The following FNDC1 variants were observed in gnomAD, a reference collection of about 807,000 sequenced individuals.
FNDC1 encodes fibronectin type III domain-containing protein 1.
Under a neutral mutation model 168.0 loss-of-function variants are expected in FNDC1, and 96 were observed. That is an observed-to-expected ratio of 0.57 (90% CI 0.48 to 0.68). The LOEUF (loss-of-function observed/expected upper bound fraction) is 0.68. Among genes scored for constraint, FNDC1 ranks in the 30% least tolerant of loss-of-function variants. The pLI, the probability that FNDC1 is intolerant of heterozygous loss-of-function variation, is 0.00. For missense variants in FNDC1, 2,587 were observed against 2,482.1 expected, an observed-to-expected ratio of 1.04 and a Z score of -0.90; for synonymous variants, 1,099 against 1,025.9, an observed-to-expected ratio of 1.07 and a Z score of -1.36.
chr6:159,232,106 G>A lies in FNDC1; in HGVS notation c.1594G>A (p.Glu532Lys), dbSNP rs746337128. 1.2e-6 allele frequency: 2 copies of A among 1,613,924 alleles called. No individual in the cohort carries two copies. The highest frequency in any genetic ancestry group is 2.2e-5 in the East Asian group (1 of 44,878). The change falls in exon 11 of 23, where the codon GAG becomes AAG. Residue 532 changes from glutamate to lysine, a missense_variant. Physicochemically the swap from Glu to Lys is moderately conservative, Grantham distance 56 (BLOSUM62 1). Transcript: ENST00000297267. The surrounding 1 kb of genome is among the most constrained non-coding windows in gnomAD (Gnocchi z 4.9). ...KPQLRAKKAE[E>K]LDLQSTEITG... Reference sequence around the variant, plus strand: ...CCAGCTTCGCGCCAAGAAGGCAGAGGAGCTGGATCTTCAGTCGACAGAAAT... The same window carrying A: ...CCAGCTTCGCGCCAAGAAGGCAGAGAAGCTGGATCTTCAGTCGACAGAAAT...
In FNDC1 at chr6:159,249,156, A is replaced by T. The variant is rs1158630285; in HGVS notation, c.4808A>T (p.Asp1603Val). Residue 1603 changes from aspartate to valine, a missense_variant, in exon 16 of 23, where the codon GAT becomes GTT. Asp to Val is a radical substitution (Grantham distance 152, BLOSUM62 -3). Transcript: ENST00000297267. The stretch of plus-strand genomic sequence containing the variant: ...AGTTCCTTTCCTGAAGAAGAATTTG[A>T]TCTGGCTGGAAGGAAACGATTTGTT... ...AISSFPEEEF[D>V]LAGRKRFVAP... 6.2e-7 allele frequency: 1 copy of T among 1,611,590 alleles called. No individual in the cohort carries two copies. The highest frequency in any genetic ancestry group is 2.2e-5 in the East Asian group (1 of 44,874).
chr6:159,267,208 C>A (rs933741616), intron 21 of FNDC1, among the ~76,000 whole-genome samples: 1 of 151,804 alleles, frequency 6.6e-6, no homozygotes, highest in Non-Finnish European at 1.5e-5. Flanking sequence ...CCAACAAGTA[C>A]GGTCTGTCTC....
At chr6:159,221,534 C>T in intron 5 of FNDC1, 64 bp from the exon 6 acceptor site, 1 of 1,314,158 alleles carries the variant, frequency 7.6e-7, no homozygotes, top group Non-Finnish European at 1.1e-6. Context: ...CGCTCCAGCC[C>T]CAGGGGATGT....
Position 159,232,421 on chromosome 6 carries a change from G to A in FNDC1, c.1909G>A (p.Ala637Thr). The A allele has an allele frequency of 6.2e-7, 1 of 1,611,932 alleles. No individual in the cohort carries two copies. The highest frequency in any genetic ancestry group is 8.5e-7 in the Non-Finnish European group (1 of 1,178,522). Residue 637 changes from alanine (A) to threonine (T), a missense_variant, in exon 11 of 23, where the codon GCC (alanine) becomes ACC (threonine). Physicochemically the swap from Ala to Thr is moderately conservative, Grantham distance 58 (BLOSUM62 0). Transcript: ENST00000297267. The surrounding 1 kb of genome is among the most constrained non-coding windows in gnomAD (Gnocchi z 4.9). ...CACCTCTCATCGTCCTTCCCTGCCTGCCAGCTTGAATGACAACGACTTGGT... is the reference window on the plus strand; with the variant it reads ...CACCTCTCATCGTCCTTCCCTGCCTACCAGCTTGAATGACAACGACTTGGT... ...QGTSHRPSLP[A>T]SLNDNDLVDS...
At chr6:159,182,287 C>G in intron 1 of FNDC1, among the ~76,000 whole-genome samples, 1 of 152,168 alleles carries the variant, frequency 6.6e-6, no homozygotes, top group East Asian at 1.9e-4. Flanking sequence ...CACTGGCACT[C>G]TGAAATTGTA....
rs1386246202 is a variant in FNDC1, at chr6:159,271,573, A to C, written c.*131A>C. The C allele has an allele frequency of 1.5e-6, 1 of 657,590 alleles. No homozygotes were observed. The highest frequency in any genetic ancestry group is 2.8e-6 in the Non-Finnish European group (1 of 359,652). The allele number at this position is 657,590 out of a possible 1,614,324, so 40.7% of individuals were successfully genotyped here. The stretch of plus-strand genomic sequence containing the variant: ...GGTGCCAGGAAGGTCATAGATGGAC[A>C]CTGGCCATTCTGGTCATCTCAGTCT... On this transcript the variant is annotated 3_prime_UTR_variant, in exon 23 of 23. Transcript: ENST00000297267.
At chr6:159,184,922 G>GT (rs1331142527) in intron 1 of FNDC1, among the ~76,000 whole-genome samples, 1 of 152,072 alleles carries the variant, frequency 6.6e-6, no homozygotes, top group Non-Finnish European at 1.5e-5. Context: ...CCTGCCAATG[G>GT]AAGGCATGAG....
At chr6:159,182,087 C>T (rs1246690514) in intron 1 of FNDC1, among the ~76,000 whole-genome samples, 1 of 152,190 alleles carries the variant, frequency 6.6e-6, no homozygotes, top group Non-Finnish European at 1.5e-5. Flanking sequence ...ACAAACCACA[C>T]CCAAAGGATG....
chr6:159,205,214 A>G (rs952681232), intron 4 of FNDC1, among the ~76,000 whole-genome samples: 2 of 152,326 alleles, frequency 1.3e-5, no homozygotes, highest in Non-Finnish European at 2.9e-5. Flanking sequence ...CTATGAAAAC[A>G]TGAAAAAACA....
At chr6:159,264,465 A>G (rs115638191) in intron 19 of FNDC1, among the ~76,000 whole-genome samples, 3,232 of 152,350 alleles carry the variant, frequency 0.021, 116 homozygotes, top group African/African-American at 0.073. Flanking sequence ...GCTGTGCTAC[A>G]GTTTGTTTAC....
At chr6:159,231,230 C>G (rs1465500834) in intron 10 of FNDC1, among the ~76,000 whole-genome samples, 1 of 80,312 alleles carries the variant, frequency 1.2e-5, no homozygotes, top group African/African-American at 3.0e-5. Flanking sequence ...AAAAAATTAG[C>G]CGGGCGCGGT....
intron 1 of FNDC1, among the ~76,000 whole-genome samples, chr6:159,171,956 C>CA (rs1781670842): frequency 6.6e-6 from 1 of 152,238 alleles, no homozygotes; most frequent in East Asian, 1.9e-4. Flanking sequence ...ACTGAGGGTG[C>CA]AAAAGCTTGA....
intron 18 of FNDC1, among the ~76,000 whole-genome samples, chr6:159,260,199 C>A (rs1777455112): frequency 6.6e-6 from 1 of 152,216 alleles, no homozygotes; most frequent in Non-Finnish European, 1.5e-5. Flanking sequence ...CTCTCTTCAT[C>A]TGTAAGTAGC....
At chr6:159,184,752 G>A (rs893525826) in intron 1 of FNDC1, among the ~76,000 whole-genome samples, 15 of 152,100 alleles carry the variant, frequency 9.9e-5, no homozygotes, top group African/African-American at 3.6e-4. Flanking sequence ...TTTTTGGTCT[G>A]GCATGCCAAG....
intron 20 of FNDC1, among the ~76,000 whole-genome samples, chr6:159,265,295 T>C (rs1287599837): frequency 2.6e-5 from 4 of 152,198 alleles, no homozygotes; most frequent in African/African-American, 9.7e-5. Flanking sequence ...ATATTTTAAA[T>C]CACTGAAAAG....
intron 6 of FNDC1, 105 bp from the exon 7 acceptor site, chr6:159,223,423 T>A: frequency 1.6e-6 from 1 of 614,402 alleles, no homozygotes; most frequent in Non-Finnish European, 2.9e-6. Flanking sequence ...ACACAAGCAA[T>A]CTAAAACTTA....
At chr6:159,197,977 C>T (rs1036148357) in intron 2 of FNDC1, among the ~76,000 whole-genome samples, 4 of 152,166 alleles carry the variant, frequency 2.6e-5, no homozygotes, top group Non-Finnish European at 4.4e-5. Context: ...CTAGAGACTT[C>T]GAACTTATAT....
chr6:159,175,081 A>G (rs1276144338), intron 1 of FNDC1, among the ~76,000 whole-genome samples: 1 of 152,154 alleles, frequency 6.6e-6, no homozygotes, highest in African/African-American at 2.4e-5. Context: ...CATTTTTTTT[A>G]CCGCAGTCTC....
chr6:159,178,219 C>G (rs1478091349), intron 1 of FNDC1, among the ~76,000 whole-genome samples: 1 of 152,208 alleles, frequency 6.6e-6, no homozygotes, highest in African/African-American at 2.4e-5. Flanking sequence ...CTTCATTGAT[C>G]CTTGTAGCCA....
Sources: allele counts gnomAD v4.1 joint callset (sites outside exome capture counted in the v4.1 genomes callset), GRCh38; gene constraint gnomAD v4.1.1; non-coding constraint Gnocchi (gnomAD v3.1); transcripts MANE v1.5; gene names NCBI Gene and HGNC (gene_info 2026-07-23, HGNC 2026-07-21).